SDK1: variants seen among roughly 807,000 people sequenced by gnomAD.
SDK1 encodes the protein protein sidekick-1.
In SDK1, 157 loss-of-function variants were observed where a neutral mutation model predicts 245.5. The ratio of observed to expected loss-of-function variants is 0.64; its 90% CI spans 0.56 to 0.73. The LOEUF is 0.73. Among genes scored for constraint, SDK1 ranks in the 30% least tolerant of loss-of-function variants. The probability of loss-of-function intolerance (pLI) is 0.00; values close to 1 mark genes in which losing one functional copy is unlikely to be tolerated. For missense variants in SDK1, 3,583 were observed against 3,002.3 expected (o/e 1.19, Z -4.52); for synonymous variants, 1,647 against 1,278.5 (o/e 1.29, Z -6.15).
chr7:3,308,329 A>G (rs1779469244), intron 1 of SDK1, among the ~76,000 whole-genome samples: 1 of 152,190 alleles, frequency 6.6e-6, no homozygotes, highest in Non-Finnish European at 1.5e-5. Context: ...TACAGTGACC[A>G]TCAGTAATGA....
At chr7:4,235,952 G>A (rs895568593) in intron 41 of SDK1, among the ~76,000 whole-genome samples, 6 of 152,246 alleles carry the variant, frequency 3.9e-5, no homozygotes, top group Non-Finnish European at 7.3e-5. Context: ...CCAGTTGCCC[G>A]GTGGTGTAAG....
intron 4 of SDK1, among the ~76,000 whole-genome samples, chr7:3,735,103 G>T (rs1207324298): frequency 6.6e-6 from 1 of 151,942 alleles, no homozygotes; most frequent in Admixed American, 6.6e-5. Context: ...CAGGAGTCCA[G>T]CTCCATTAAT....
At chr7:3,374,634 C>A (rs1781309232) in intron 1 of SDK1, among the ~76,000 whole-genome samples, 1 of 152,074 alleles carries the variant, frequency 6.6e-6, no homozygotes, top group Non-Finnish European at 1.5e-5. Flanking sequence ...TTTTTCCCCA[C>A]CCCAGAACCT....
At chr7:3,891,843 A>T (rs1240754389) in intron 5 of SDK1, among the ~76,000 whole-genome samples, 2 of 152,158 alleles carry the variant, frequency 1.3e-5, no homozygotes, top group African/African-American at 4.8e-5. Flanking sequence ...AAATCCTGAA[A>T]ATGTTGTATT....
intron 4 of SDK1, among the ~76,000 whole-genome samples, chr7:3,661,091 G>A (rs868250066): frequency 9.9e-5 from 15 of 152,086 alleles, no homozygotes; most frequent in South Asian, 4.1e-4. Flanking sequence ...TTGAGAATCC[G>A]TTATTGCCTA....
intron 4 of SDK1, among the ~76,000 whole-genome samples, chr7:3,744,759 C>G (rs1035681528): frequency 1.3e-5 from 2 of 151,442 alleles, no homozygotes; most frequent in Admixed American, 1.3e-4. Flanking sequence ...TTGCAGTGAG[C>G]GGAGATCACA....
At position 3,362,310 on chromosome 7, in the gene SDK1, A is replaced by G. The variant is rs1780974648; in HGVS notation, c.298+60426A>G. Among the ~76,000 whole-genome samples, 2 of 152,284 alleles carry G rather than the reference A, an allele frequency of 1.3e-5. 1 individual carries two copies. The highest frequency in any genetic ancestry group is 4.1e-4 in the South Asian group (2 of 4,826). On this transcript the variant is annotated intron_variant, in intron 1 of 44. Transcript: ENST00000404826. ...ATGCAGACTTCTTTCACCTTTTTGA[A>G]GACTATCTTTTTGAAGACTTTTCTT...
intron 1 of SDK1, among the ~76,000 whole-genome samples, chr7:3,490,002 G>A (rs182087029): frequency 6.6e-6 from 1 of 152,230 alleles, no homozygotes; most frequent in Non-Finnish European, 1.5e-5. Flanking sequence ...CGTGCTTACT[G>A]GTTATGTGTT....
intron 1 of SDK1, among the ~76,000 whole-genome samples, chr7:3,416,287 A>T (rs1316634115): frequency 1.3e-4 from 20 of 152,066 alleles, no homozygotes; most frequent in Admixed American, 1.3e-3. Flanking sequence ...CCGTTCAGGG[A>T]GGAGTTGGTC....
Position 4,161,841 on chromosome 7 carries a change from C to G in SDK1, c.4785C>G (p.Val1595=), listed in dbSNP as rs1781150402. The G allele has an allele frequency of 1.2e-6, 2 of 1,613,892 alleles. No homozygotes were observed. The highest frequency in any genetic ancestry group is 1.3e-5 in the African/African-American group (1 of 74,936). ...VSATPHTTSS[V]LIQWQPPRDE... is the part of the protein sequence containing the mutation. Reference sequence around the variant, plus strand: ...CGACGCCACACACCACGTCCTCTGTCCTGATACAGTGGCAGGTAAGAGCGC... The same window carrying G: ...CGACGCCACACACCACGTCCTCTGTGCTGATACAGTGGCAGGTAAGAGCGC... Residue 1595 remains valine, a synonymous_variant, in exon 32 of 45, where the codon GTC becomes GTG. Coordinates refer to ENST00000404826, the MANE Select transcript of SDK1 (RefSeq NM_152744.4).
intron 1 of SDK1, among the ~76,000 whole-genome samples, chr7:3,416,081 A>G (rs1167974490): frequency 6.6e-6 from 1 of 152,200 alleles, no homozygotes; most frequent in East Asian, 1.9e-4. Context: ...TGCAAAAGTC[A>G]TTGCTGTCTC....
chr7:3,654,720 G>C (rs1038707124), intron 4 of SDK1, among the ~76,000 whole-genome samples: 1 of 152,226 alleles, frequency 6.6e-6, no homozygotes, highest in African/African-American at 2.4e-5. Context: ...AATAGCCCAA[G>C]AGCATGGGGG....
rs559965955 is a variant in SDK1 at position 4,211,770 on chromosome 7, C to T, written c.5539+1608C>T. On this transcript the variant is annotated intron_variant, in intron 38 of 44. Coordinates refer to ENST00000404826, the MANE Select transcript of SDK1 (RefSeq NM_152744.4). ...GACTACAGGCGCCCACCACCACGCC[C>T]AGCTAACTTTTTGTATTTTTAGTAG... Among the ~76,000 whole-genome samples, 451 of 152,298 alleles carry T rather than the reference C, an allele frequency of 3.0e-3. 1 individual carries two copies. Among genetic ancestry groups the T allele is most frequent in the Middle Eastern group, 0.01 (3 of 294 alleles).
In SDK1 at chr7:4,204,924, C is replaced by T. The variant is rs531575334; in HGVS notation, c.5099-955C>T. Among the ~76,000 whole-genome samples the T allele has an allele frequency of 2.1e-3, 170 of 82,870 alleles. 2 individuals carry two copies. Among genetic ancestry groups the T allele is most frequent in the African/African-American group, 0.011 (152 of 14,264 alleles). The allele number at this position is 82,870 out of a possible 152,430, so 54.4% of individuals were successfully genotyped here. A position where few individuals can be genotyped will look rare whatever the true frequency, so the allele number is the denominator to read the frequency against. ...CAGACAGGACGGAGGCGTTCTGGAA[C>T]GCAGGCGTGTGCTCCCAACTGCCTA... On this transcript the variant is annotated intron_variant, in intron 35 of 44. Coordinates refer to ENST00000404826, the MANE Select transcript of SDK1 (RefSeq NM_152744.4).
At chr7:4,070,066 C>T (rs1221219790) in intron 20 of SDK1, among the ~76,000 whole-genome samples, 2 of 152,190 alleles carry the variant, frequency 1.3e-5, no homozygotes, top group African/African-American at 2.4e-5. Flanking sequence ...AAATGCCTGA[C>T]GGTTCTGTTT....
intron 4 of SDK1, among the ~76,000 whole-genome samples, chr7:3,769,684 G>A (rs1217776337): frequency 6.6e-6 from 1 of 152,072 alleles, no homozygotes; most frequent in African/African-American, 2.4e-5. Flanking sequence ...ATGTCAGTGG[G>A]ACTCCTGTTC....
At chr7:3,878,674 G>A (rs1781131841) in intron 5 of SDK1, among the ~76,000 whole-genome samples, 1 of 152,144 alleles carries the variant, frequency 6.6e-6, no homozygotes, top group Non-Finnish European at 1.5e-5. Context: ...GATGAGCAAA[G>A]TTAGATCAGC....
chr7:3,773,177 A>G lies in SDK1; in HGVS notation c.714-48273A>G, dbSNP rs530906425. ...TTTTTCTAGGACTCCCATAACACAT[A>G]TGTTTGTCCTCTTTATTGTGTCCCT... On this transcript the variant is annotated intron_variant, in intron 4 of 44. Coordinates refer to ENST00000404826, the MANE Select transcript of SDK1 (RefSeq NM_152744.4). Among the ~76,000 whole-genome samples the G allele has an allele frequency of 4.6e-4, 70 of 152,066 alleles. 1 individual carries two copies. The highest frequency in any genetic ancestry group is 1.7e-3 in the African/African-American group (69 of 41,500).
chr7:3,434,323 C>T (rs1472810276), intron 1 of SDK1, among the ~76,000 whole-genome samples: 3 of 152,094 alleles, frequency 2.0e-5, no homozygotes, highest in Non-Finnish European at 2.9e-5. Flanking sequence ...AGAGAATTTC[C>T]ACCTTGTTCG....
Sources: gnomAD v4.1 joint callset for allele counts (sites outside exome capture counted in the v4.1 genomes callset) on GRCh38, gnomAD v4.1.1 for gene constraint, MANE v1.5 for transcripts, NCBI Gene and HGNC (gene_info 2026-07-23, HGNC 2026-07-21) for gene names.